The following NMNAT2 variants were observed in gnomAD, a reference collection of about 807,000 sequenced individuals.
The protein encoded by NMNAT2 is nicotinamide/nicotinic acid mononucleotide adenylyltransferase 2.
Under a neutral mutation model 41.6 loss-of-function variants are expected in NMNAT2, and 11 were observed. That is an observed-to-expected ratio of 0.26 (90% CI 0.17 to 0.44). NMNAT2 has a LOEUF of 0.44. Among genes scored for constraint, NMNAT2 ranks in the 20% least tolerant of loss-of-function variants. NMNAT2 has a pLI of 1.00. For missense variants in NMNAT2, 288 were observed against 407.7 expected (o/e 0.71, Z 2.53); for synonymous variants, 148 against 151.2 (o/e 0.98, Z 0.16).
chr1:183,257,492 C>T (rs1660548097), intron 10 of NMNAT2, among the ~76,000 whole-genome samples: 1 of 152,158 alleles, frequency 6.6e-6, no homozygotes, highest in Non-Finnish European at 1.5e-5. Context: ...TAGAATTCAG[C>T]TCTGAAGTCA....
chr1:183,405,412 A>G (rs1332752395), intron 1 of NMNAT2, among the ~76,000 whole-genome samples: 1 of 152,196 alleles, frequency 6.6e-6, no homozygotes, highest in Non-Finnish European at 1.5e-5. Flanking sequence ...TTACTTTTGC[A>G]TATGTTTAGA....
intron 1 of NMNAT2, among the ~76,000 whole-genome samples, chr1:183,381,886 A>G (rs1413933828): frequency 6.6e-6 from 1 of 152,200 alleles, no homozygotes; most frequent in Non-Finnish European, 1.5e-5. Context: ...AGAGAGAATA[A>G]CAATCTTGTT....
intron 1 of NMNAT2, among the ~76,000 whole-genome samples, chr1:183,402,557 ACT>A (rs1164273030): frequency 6.6e-6 from 1 of 151,530 alleles, no homozygotes; most frequent in African/African-American, 2.4e-5. Flanking sequence ...TCTTGAATAA[ACT>A]CTCTTTAAAC....
At chr1:183,328,162 G>A (rs1277742096) in intron 1 of NMNAT2, among the ~76,000 whole-genome samples, 1 of 152,114 alleles carries the variant, frequency 6.6e-6, no homozygotes, top group Non-Finnish European at 1.5e-5. Flanking sequence ...CAAACACACT[G>A]AGTTGGCAGG....
At chr1:183,340,557 C>T (rs972906892) in intron 1 of NMNAT2, among the ~76,000 whole-genome samples, 10 of 152,118 alleles carry the variant, frequency 6.6e-5, no homozygotes, top group East Asian at 5.8e-4. Context: ...CTCCTGACCT[C>T]GGGTGATCCG....
rs201458570 is a variant in NMNAT2, at chr1:183,249,949, G to A, written c.*2692C>T. 1.3e-5 allele frequency: 2 copies of A among 151,900 alleles called. No homozygotes were observed. Among genetic ancestry groups the A allele is most frequent in the Non-Finnish European group, 2.9e-5 (2 of 68,046 alleles). The allele number at this position is 151,900 out of a possible 1,614,324, so 9.4% of individuals were successfully genotyped here. ...CCCTCCCCACTCCCACATGCTTTCG[G>A]ACTGCATGCTGAGAGTGCAGAACCA... On this transcript the variant is annotated 3_prime_UTR_variant, in exon 11 of 11. Coordinates refer to ENST00000287713, the MANE Select transcript of NMNAT2 (RefSeq NM_015039.4).
intron 1 of NMNAT2, among the ~76,000 whole-genome samples, chr1:183,321,947 T>C (rs1662364471): frequency 6.6e-6 from 1 of 152,032 alleles, no homozygotes; most frequent in Non-Finnish European, 1.5e-5. Context: ...GCTTCCTGAA[T>C]AACTGGAGCC....
Position 183,300,880 on chromosome 1 carries a change from T to C in NMNAT2, c.86-7087A>G, listed in dbSNP as rs531400556. ...GTTTGTTACATTGTGGGTTGTGTTG[T>C]CTAAAGCTGTGCTTCTTAAACTTTG... On this transcript the variant is annotated intron_variant, in intron 1 of 10. Coordinates refer to ENST00000287713, the MANE Select transcript of NMNAT2 (RefSeq NM_015039.4). Among the ~76,000 whole-genome samples the C allele has an allele frequency of 5.3e-5, 8 of 152,308 alleles. No homozygotes were observed. In the South Asian group the frequency reaches 1.7e-3, roughly 32 times the overall value.
chr1:183,252,650 G>A lies in NMNAT2; in HGVS notation c.915C>T (p.Ala305=), dbSNP rs369794599. The change falls in exon 11 of 11, where the codon GCC becomes GCT. Residue 305 remains alanine, a synonymous_variant. Coordinates refer to ENST00000287713, the MANE Select transcript of NMNAT2 (RefSeq NM_015039.4). ...GGAGGACGAGGGGCTGCTAGCCGGA[G>A]GCATTGATGTACAGCTGGCTTTTGA... ...YILKSQLYIN[A]SG is the part of the protein sequence containing the mutation. 10 of 1,612,610 alleles carry A rather than the reference G, an allele frequency of 6.2e-6. No individual in the cohort carries two copies. Among genetic ancestry groups the A allele is most frequent in the African/African-American group, 4.0e-5 (3 of 75,012 alleles).
At chr1:183,339,258 T>C (rs901391722) in intron 1 of NMNAT2, among the ~76,000 whole-genome samples, 1 of 152,076 alleles carries the variant, frequency 6.6e-6, no homozygotes. Flanking sequence ...CCACCACGCC[T>C]GGCTAATTTT....
At position 183,386,062 on chromosome 1, in the gene NMNAT2, G is replaced by A. The variant is rs78236488; in HGVS notation, c.85+32121C>T. ...AACTGAGACCGGACGCTACTTGGGA[G>A]GACTGTGCTAGGGGACTTAAAAATT... On this transcript the variant is annotated intron_variant, in intron 1 of 10. Transcript: ENST00000287713. Among the ~76,000 whole-genome samples the A allele has an allele frequency of 8.5e-4, 129 of 152,238 alleles. 1 individual carries two copies. The East Asian group carries it at 0.02, about 24-fold the overall frequency.
At chr1:183,401,232 AC>A (rs1270836405) in intron 1 of NMNAT2, among the ~76,000 whole-genome samples, 10 of 152,110 alleles carry the variant, frequency 6.6e-5, no homozygotes, top group African/African-American at 2.4e-4. Context: ...AAATCAAACA[AC>A]CCCGTCAAAA....
intron 1 of NMNAT2, among the ~76,000 whole-genome samples, chr1:183,347,844 A>G (rs1208142811): frequency 6.6e-6 from 1 of 152,178 alleles, no homozygotes; most frequent in Non-Finnish European, 1.5e-5. Flanking sequence ...CTTTTAGACC[A>G]GTTGACTTCA....
At position 183,400,862 on chromosome 1, in the gene NMNAT2, T is replaced by A. The variant is rs559211173; in HGVS notation, c.85+17321A>T. On this transcript the variant is annotated intron_variant, in intron 1 of 10. Coordinates refer to ENST00000287713, the MANE Select transcript of NMNAT2 (RefSeq NM_015039.4). ...GTGCTGGGAAAACTGGCTAGCCATA[T>A]GTAGAAAGCTGAAACTGGATCCCTT... Among the ~76,000 whole-genome samples, 3 of 152,324 alleles carry A rather than the reference T, an allele frequency of 2.0e-5. No homozygotes were observed. In the East Asian group the frequency reaches 5.8e-4, roughly 29 times the overall value.
At chr1:183,337,569 C>CAAAAAA (rs71127343) in intron 1 of NMNAT2, among the ~76,000 whole-genome samples, 68 of 100,448 alleles carry the variant, frequency 6.8e-4, no homozygotes, top group Middle Eastern at 6.0e-3. Flanking sequence ...CTCTCCACAG[C>CAAAAAA]AAAAAAAAAA....
At chr1:183,332,939 C>T (rs984617705) in intron 1 of NMNAT2, among the ~76,000 whole-genome samples, 1 of 152,110 alleles carries the variant, frequency 6.6e-6, no homozygotes, top group Non-Finnish European at 1.5e-5. Flanking sequence ...TATTGGGAAC[C>T]CCAGGGTGAC....
intron 4 of NMNAT2, among the ~76,000 whole-genome samples, chr1:183,289,196 G>A (rs1661469777): frequency 6.6e-6 from 1 of 152,236 alleles, no homozygotes; most frequent in Non-Finnish European, 1.5e-5. Context: ...TAGGAGGGCA[G>A]TGCCAGGTGG....
At chr1:183,320,719 C>T (rs1662341147) in intron 1 of NMNAT2, among the ~76,000 whole-genome samples, 1 of 152,158 alleles carries the variant, frequency 6.6e-6, no homozygotes, top group Admixed American at 6.5e-5. Context: ...TGGGTTACAC[C>T]AACATTCACA....
chr1:183,375,066 G>C (rs1663642561), intron 1 of NMNAT2, among the ~76,000 whole-genome samples: 1 of 152,124 alleles, frequency 6.6e-6, no homozygotes, highest in African/African-American at 2.4e-5. Flanking sequence ...TTTCAGGACT[G>C]GGGGCAGGAA....
Sources: gnomAD v4.1 joint callset for allele counts (sites outside exome capture counted in the v4.1 genomes callset) on GRCh38, gnomAD v4.1.1 for gene constraint, MANE v1.5 for transcripts, NCBI Gene and HGNC (gene_info 2026-07-23, HGNC 2026-07-21) for gene names.